Variants in COIL observed in about 807,000 individuals in gnomAD.
COIL encodes coilin p80.
A neutral mutation model predicts 51.6 loss-of-function variants in COIL; 28 were observed. The ratio of observed to expected loss-of-function variants is 0.54; its 90% CI spans 0.40 to 0.74. COIL has a LOEUF of 0.74. Ranked by LOEUF, COIL falls within the 30% of genes least tolerant of loss-of-function variation. COIL has a pLI of 0.00. For missense variants in COIL, 667 were observed against 685.9 expected (o/e 0.97, Z 0.31); for synonymous variants, 233 against 255.8 (o/e 0.91, Z 0.85).
Position 56,949,915 on chromosome 17 carries a change from C to A in COIL, c.1327G>T (p.Val443Leu). 1 of 1,613,436 alleles carries A rather than the reference C, an allele frequency of 6.2e-7. No homozygotes were observed. Among genetic ancestry groups the A allele is most frequent in the Non-Finnish European group, 8.5e-7 (1 of 1,179,792 alleles). Residue 443 changes from valine to leucine, a missense_variant, in exon 2 of 7, where the codon GTA (valine) becomes TTA (leucine). Coordinates refer to ENST00000240316, the MANE Select transcript of COIL (RefSeq NM_004645.3). ...NQRQQQLNDV[V>L]KNSSTIIQNP... Reference sequence around the variant, plus strand: ...TGGATAATAGTAGATGAATTTTTTACCACGTCATTTAATTGCTGTTGCCTC... The same window carrying A: ...TGGATAATAGTAGATGAATTTTTTAACACGTCATTTAATTGCTGTTGCCTC...
chr17:56,960,980 CA>C lies in COIL; in HGVS notation c.39del (p.Phe13LeufsTer20). The C allele has an allele frequency of 6.2e-7, 1 of 1,614,064 alleles. No homozygotes were observed. The highest frequency in any genetic ancestry group is 1.1e-5 in the South Asian group (1 of 91,072). ...TGCGGGGTAGCTGGCGGCGGGTAAT[CA>C]AATTGAAGCCGTAGCCTAACCGTCT... ...ASETVRLRLQ[F>X]DYPPPATPHC... On this transcript the variant is annotated frameshift_variant, in exon 1 of 7. Coordinates refer to ENST00000240316, the MANE Select transcript of COIL (RefSeq NM_004645.3). LOFTEE classifies it high-confidence loss of function.
At chr17:56,946,676 T>C (rs1910255527) in intron 4 of COIL, among the ~76,000 whole-genome samples, 165 bp from the exon 5 acceptor site, 1 of 152,058 alleles carries the variant, frequency 6.6e-6, no homozygotes, top group South Asian at 2.1e-4. Context: ...ATAGAGAAAA[T>C]AAAAACAGGT....
At chr17:56,955,732 T>G (rs1910470867) in intron 1 of COIL, among the ~76,000 whole-genome samples, 1 of 152,218 alleles carries the variant, frequency 6.6e-6, no homozygotes, top group South Asian at 2.1e-4. Context: ...ACAATGAATG[T>G]TGTTAGTCCT....
At position 56,960,790 on chromosome 17, in the gene COIL, T is replaced by C. The variant is rs748829668; in HGVS notation, c.230A>G (p.Asp77Gly). 6.3e-7 allele frequency: 1 copy of C among 1,583,664 alleles called. No homozygotes were observed. Among genetic ancestry groups the C allele is most frequent in the Non-Finnish European group, 8.6e-7 (1 of 1,165,982 alleles). ...PPAESARLVRDNDCLRVKLEE... is the reference protein window; with the variant it reads ...PPAESARLVRGNDCLRVKLEE... ...CGCCGCGCACCTGAGGCAGTCGTTG[T>C]CTCTCACAAGGCGCGCGCTCTCGGC... Residue 77 changes from aspartate to glycine, a missense_variant, in exon 1 of 7, where the codon GAC (aspartate) becomes GGC (glycine). Transcript: ENST00000240316.
In COIL at chr17:56,960,847, C is replaced by G. The variant is rs1368319999; in HGVS notation, c.173G>C (p.Gly58Ala). Reference protein sequence around the residue: ...RFGFSSGAFLGLYLEGGLLPP... With the variant: ...RFGFSSGAFLALYLEGGLLPP... The stretch of plus-strand genomic sequence containing the variant: ...CAAGAGCCCCCCCTCCAGGTAGAGG[C>G]CTAGGAAGGCCCCAGAACTGAAGCC... Residue 58 changes from glycine (G) to alanine (A), a missense_variant, in exon 1 of 7, where the codon GGC (glycine) becomes GCC (alanine). By Grantham distance (60) the Gly-to-Ala change is moderately conservative. Transcript: ENST00000240316. 2.5e-6 allele frequency: 4 copies of G among 1,610,706 alleles called. No homozygotes were observed. In the African/African-American group the frequency reaches 5.3e-5, roughly 22 times the overall value.
At chr17:56,959,816 G>T (rs1263308903) in intron 1 of COIL, among the ~76,000 whole-genome samples, 1 of 152,254 alleles carries the variant, frequency 6.6e-6, no homozygotes, top group African/African-American at 2.4e-5. Context: ...GCGCGGATGT[G>T]CTAAATCAAG....
chr17:56,955,984 T>C (rs746355796), intron 1 of COIL, among the ~76,000 whole-genome samples: 20 of 152,300 alleles, frequency 1.3e-4, no homozygotes, highest in South Asian at 4.1e-4. Context: ...TATACTGAGA[T>C]AGCCCATGAT....
chr17:56,950,757 T>G lies in COIL; in HGVS notation c.485A>C (p.Asn162Thr). Reference protein sequence around the residue: ...AVTDQTVSKKNKRKNKATCGT... With the variant: ...AVTDQTVSKKTKRKNKATCGT... The stretch of plus-strand genomic sequence containing the variant: ...ACAGGTTGCTTTATTTTTTCTCTTG[T>G]TTTTTTTGCTGACAGTCTGATCTGT... Residue 162 changes from asparagine to threonine, a missense_variant, in exon 2 of 7, where the codon AAC (asparagine) becomes ACC (threonine). Asn to Thr is a moderately conservative substitution (Grantham distance 65, BLOSUM62 0). Coordinates refer to ENST00000240316, the MANE Select transcript of COIL (RefSeq NM_004645.3). 1 of 1,612,890 alleles carries G rather than the reference T, an allele frequency of 6.2e-7. No homozygotes were observed. Among genetic ancestry groups the G allele is most frequent in the Non-Finnish European group, 8.5e-7 (1 of 1,179,526 alleles).
chr17:56,946,516 CA>C lies in COIL; in HGVS notation c.1489-6del. ...GTGGCTTAATATTCTTCCTTCCTTT[CA>C]AAAATAAAAGTCCAAGTCAAAATCA... On this transcript the variant is annotated splice_region_variant and splice_polypyrimidine_tract_variant and intron_variant, in intron 4 of 6. Coordinates refer to ENST00000240316, the MANE Select transcript of COIL (RefSeq NM_004645.3). 6.2e-7 allele frequency: 1 copy of C among 1,602,740 alleles called. No homozygotes were observed. Among genetic ancestry groups the C allele is most frequent in the Non-Finnish European group, 8.5e-7 (1 of 1,171,474 alleles).
intron 5 of COIL, among the ~76,000 whole-genome samples, chr17:56,943,668 G>A (rs1003489952): frequency 2.6e-5 from 4 of 152,150 alleles, no homozygotes; most frequent in Non-Finnish European, 5.9e-5. Context: ...GGATCATGAC[G>A]CGTATCTGTT....
chr17:56,940,821 G>C (rs995740422), intron 6 of COIL, among the ~76,000 whole-genome samples: 1 of 152,106 alleles, frequency 6.6e-6, no homozygotes, highest in Non-Finnish European at 1.5e-5. Flanking sequence ...CAGCAACTCT[G>C]GTAGGTCTGG....
rs905477049 is a variant in COIL at position 56,956,901 on chromosome 17, A to G, written c.245+3874T>C. 3.3e-5 allele frequency among the ~76,000 whole-genome samples: 5 copies of G among 152,148 alleles called. 1 individual carries two copies. Among genetic ancestry groups the G allele is most frequent in the Admixed American group, 6.6e-5 (1 of 15,262 alleles). Reference sequence around the variant, plus strand: ...GAGACATGGCGCCCAGCCTTCATCAAGTATTAATTGCCAGAGTTAAAAGGG... The same window carrying G: ...GAGACATGGCGCCCAGCCTTCATCAGGTATTAATTGCCAGAGTTAAAAGGG... On this transcript the variant is annotated intron_variant, in intron 1 of 6. Transcript: ENST00000240316.
intron 1 of COIL, among the ~76,000 whole-genome samples, chr17:56,953,500 G>T: frequency 6.6e-6 from 1 of 151,302 alleles, no homozygotes; most frequent in Middle Eastern, 3.2e-3. Context: ...AGGATCACTA[G>T]AGCCCAGGAG....
At chr17:56,953,496 A>G (rs1910421699) in intron 1 of COIL, among the ~76,000 whole-genome samples, 1 of 151,762 alleles carries the variant, frequency 6.6e-6, no homozygotes, top group Admixed American at 6.6e-5. Flanking sequence ...TAGGAGGATC[A>G]CTAGAGCCCA....
chr17:56,946,106 T>C (rs138258702), intron 5 of COIL, among the ~76,000 whole-genome samples: 84 of 152,318 alleles, frequency 5.5e-4, no homozygotes, highest in Non-Finnish European at 1.0e-3. Context: ...TTCCTCCCAA[T>C]CTTTTATAGC....
At position 56,946,470 on chromosome 17, in the gene COIL, T is replaced by C; in HGVS notation, c.1530A>G (p.Val510=). 1.2e-6 allele frequency: 2 copies of C among 1,611,352 alleles called. No individual in the cohort carries two copies. The highest frequency in any genetic ancestry group is 1.7e-6 in the Non-Finnish European group (2 of 1,178,000). ...GTAAGGATGAAAGAATTTCTATATC[T>C]ACTTGCTGGGTCTCTGGATTGTGGC... ...ILSHNPETQQ[V]DIEILSSLPA... The change falls in exon 5 of 7, where the codon GTA becomes GTG. Residue 510 remains valine, a synonymous_variant. Coordinates refer to ENST00000240316, the MANE Select transcript of COIL (RefSeq NM_004645.3).
chr17:56,949,206 C>G (rs1044336473), intron 4 of COIL, among the ~76,000 whole-genome samples, 181 bp downstream of exon 4: 11 of 152,174 alleles, frequency 7.2e-5, no homozygotes, highest in Non-Finnish European at 1.5e-4. Context: ...GCAAATAACA[C>G]AGGGAGACTT....
chr17:56,943,748 C>T (rs1478267525), intron 5 of COIL, among the ~76,000 whole-genome samples: 2 of 152,300 alleles, frequency 1.3e-5, no homozygotes, highest in East Asian at 3.9e-4. Context: ...TTAACATATG[C>T]AATGTTGCTG....
chr17:56,945,016 A>AAAATAAAC (rs1910219910), intron 5 of COIL, among the ~76,000 whole-genome samples: 3 of 149,748 alleles, frequency 2.0e-5, no homozygotes, highest in African/African-American at 7.6e-5. Flanking sequence ...CTCCGTCTCA[A>AAAATAAAC]AAATAAACAA....
Sources: allele counts gnomAD v4.1 joint callset (sites outside exome capture counted in the v4.1 genomes callset), GRCh38; gene constraint gnomAD v4.1.1; transcripts MANE v1.5; gene names NCBI Gene and HGNC (gene_info 2026-07-23, HGNC 2026-07-21).